Variants in PDE1C observed in about 807,000 individuals in gnomAD.
PDE1C encodes the protein phosphodiesterase 1C, also known as dual specificity calcium/calmodulin-dependent 3',5'-cyclic nucleotide phosphodiesterase 1C.
In PDE1C, 62 loss-of-function variants were observed where a neutral mutation model predicts 93.1. That is an observed-to-expected ratio of 0.67 (90% CI 0.54 to 0.82). PDE1C has a LOEUF of 0.82. PDE1C is among the 40% of genes least tolerant of loss of function. The probability of loss-of-function intolerance (pLI) is 0.00; values close to 1 mark genes in which losing one functional copy is unlikely to be tolerated. For missense variants in PDE1C, 742 were observed against 884.6 expected, an observed-to-expected ratio of 0.84 and a Z score of 2.04; for synonymous variants, 325 against 310.1, an observed-to-expected ratio of 1.05 and a Z score of -0.50.
the PDE1C span, chr7:31,655,867 G>GA: frequency 1.0e-6 from 1 of 985,446 alleles, no homozygotes; most frequent in Non-Finnish European, 1.2e-6. Context: ...AACGCCTACG[G>GA]AATGAAGAGG....
chr7:31,919,467 A>AACT (rs1802340645), intron 2 of PDE1C, among the ~76,000 whole-genome samples: 1 of 152,210 alleles, frequency 6.6e-6, no homozygotes, highest in Non-Finnish European at 1.5e-5. Flanking sequence ...GACACATAGT[A>AACT]ACTACTACAC....
At chr7:32,119,555 A>G (rs747168780) in intron 3 of PDE1C, among the ~76,000 whole-genome samples, 2 of 152,186 alleles carry the variant, frequency 1.3e-5, no homozygotes, top group Non-Finnish European at 2.9e-5. Context: ...AAGAACCATA[A>G]TAGCGTGTAA....
intron 1 of PDE1C, among the ~76,000 whole-genome samples, chr7:32,405,694 A>G (rs1376591027): frequency 2.0e-5 from 3 of 152,194 alleles, no homozygotes; most frequent in African/African-American, 7.2e-5. Flanking sequence ...CAGAGTGGTT[A>G]AAACCTGGGT....
At chr7:32,376,604 A>G (rs1337438302) in intron 1 of PDE1C, among the ~76,000 whole-genome samples, 1 of 152,186 alleles carries the variant, frequency 6.6e-6, no homozygotes, top group Admixed American at 6.5e-5. Flanking sequence ...GGCATCCTCC[A>G]TGGCAGCTAA....
intron 2 of PDE1C, among the ~76,000 whole-genome samples, chr7:31,951,834 T>C (rs1471609539): frequency 6.6e-6 from 1 of 152,194 alleles, no homozygotes; most frequent in African/African-American, 2.4e-5. Flanking sequence ...TCTGTCCCTC[T>C]GCCTGCTGGA....
chr7:31,656,724 C>G, the PDE1C span, among the ~76,000 whole-genome samples: 1 of 152,078 alleles, frequency 6.6e-6, no homozygotes, highest in Non-Finnish European at 1.5e-5. Flanking sequence ...TTTTGACAGT[C>G]AGAAAGATGA....
chr7:32,260,883 G>A (rs1479741390), intron 1 of PDE1C, among the ~76,000 whole-genome samples: 2 of 152,224 alleles, frequency 1.3e-5, no homozygotes, highest in Non-Finnish European at 2.9e-5. Context: ...CACTTTGGGA[G>A]GCCCAGGTGG....
chr7:32,125,848 T>A (rs549591748), intron 3 of PDE1C, among the ~76,000 whole-genome samples: 30 of 151,666 alleles, frequency 2.0e-4, no homozygotes, highest in African/African-American at 5.8e-4. Flanking sequence ...AAGTAAAATT[T>A]AAAAAAAAGA....
intron 1 of PDE1C, among the ~76,000 whole-genome samples, chr7:32,423,545 T>TGCTAA (rs1049418967): frequency 1.9e-4 from 29 of 152,318 alleles, no homozygotes; most frequent in African/African-American, 6.7e-4. Context: ...TTGGTTAAAA[T>TGCTAA]GCTAAGACTC....
At chr7:32,223,928 C>T (rs1442616104) in intron 1 of PDE1C, among the ~76,000 whole-genome samples, 1 of 152,172 alleles carries the variant, frequency 6.6e-6, no homozygotes, top group African/African-American at 2.4e-5. Context: ...GCCCAGCCAT[C>T]CCTCTGGCCT....
At chr7:31,718,268 T>C in the PDE1C span, among the ~76,000 whole-genome samples, 1 of 151,902 alleles carries the variant, frequency 6.6e-6, no homozygotes, top group Non-Finnish European at 1.5e-5. Flanking sequence ...ATAGCCCAGA[T>C]TGAGACCGGG....
the PDE1C span, chr7:31,707,763 CTTT>C: frequency 6.4e-6 from 1 of 156,804 alleles, no homozygotes; most frequent in Non-Finnish European, 1.4e-5. Context: ...AGACAAAGGT[CTTT>C]TATTTCTCCT....
At chr7:31,876,102 A>G (rs764124587) in intron 5 of PDE1C, among the ~76,000 whole-genome samples, 2 of 152,056 alleles carry the variant, frequency 1.3e-5, no homozygotes, top group Non-Finnish European at 2.9e-5. Flanking sequence ...ACATAAAGAA[A>G]GAAACAAAAG....
chr7:32,297,286 A>T (rs987654592), intron 1 of PDE1C, among the ~76,000 whole-genome samples: 2 of 152,130 alleles, frequency 1.3e-5, no homozygotes, highest in Admixed American at 6.5e-5. Flanking sequence ...TACTTTCCTG[A>T]TACACATCCA....
At chr7:31,721,422 AG>A in the PDE1C span, among the ~76,000 whole-genome samples, 2 of 152,224 alleles carry the variant, frequency 1.3e-5, no homozygotes, top group Non-Finnish European at 1.5e-5. Flanking sequence ...AGTGAGACCA[AG>A]GAACTAAAGG....
intron 3 of PDE1C, among the ~76,000 whole-genome samples, chr7:32,132,517 TTA>T (rs1251730427): frequency 6.6e-6 from 1 of 151,282 alleles, no homozygotes; most frequent in African/African-American, 2.4e-5. Flanking sequence ...AAAAAAAAAA[TTA>T]GCCGGGTGTG....
intron 1 of PDE1C, among the ~76,000 whole-genome samples, chr7:32,377,268 C>T (rs1479496803): frequency 6.6e-6 from 1 of 152,202 alleles, no homozygotes; most frequent in Non-Finnish European, 1.5e-5. Flanking sequence ...TGATTATCCG[C>T]ACTCCCCACC....
chr7:32,067,908 G>A (rs1366140107), intron 1 of PDE1C, among the ~76,000 whole-genome samples: 1 of 152,204 alleles, frequency 6.6e-6, no homozygotes, highest in East Asian at 1.9e-4. Flanking sequence ...AGGTATTGCA[G>A]TGAGTAAGTA....
chr7:31,938,340 T>C (rs1157723070), intron 2 of PDE1C, among the ~76,000 whole-genome samples: 1 of 151,056 alleles, frequency 6.6e-6, no homozygotes, highest in Non-Finnish European at 1.5e-5. Flanking sequence ...ATTCACATAT[T>C]TGGGTAATTC....
Sources: gnomAD v4.1 joint callset for allele counts (sites outside exome capture counted in the v4.1 genomes callset) on GRCh38, gnomAD v4.1.1 for gene constraint, MANE v1.5 for transcripts, NCBI Gene and HGNC (gene_info 2026-07-23, HGNC 2026-07-21) for gene names.